LAX1: variants seen among roughly 807,000 people sequenced by gnomAD.
LAX1 encodes lymphocyte transmembrane adapter 1.
In LAX1, 17 loss-of-function variants were observed where a neutral mutation model predicts 20.7. The ratio of observed to expected loss-of-function variants is 0.82; its 90% confidence interval spans 0.56 to 1.23. The LOEUF is 1.23. Among genes scored for constraint, LAX1 ranks in the 50% most tolerant of loss-of-function variants. The pLI, the probability that LAX1 is intolerant of heterozygous loss-of-function variation, is 0.00. For missense variants in LAX1, 470 were observed against 487.0 expected (o/e 0.97, Z 0.33); for synonymous variants, 165 against 181.0 (o/e 0.91, Z 0.71).
chr1:203,772,195 C>A, intron 4 of LAX1, 48 bp downstream of exon 4: 2 of 1,421,912 alleles, frequency 1.4e-6, no homozygotes, highest in Non-Finnish European at 2.0e-6. Context: ...GGCAGAAGAA[C>A]TGCGGGGAAA....
At position 203,765,387 on chromosome 1, in the gene LAX1, G is replaced by A; in HGVS notation, c.-179G>A. On this transcript the variant is annotated 5_prime_UTR_variant, in exon 1 of 5. The change abolishes the stop of an existing upstream ORF in the 5' untranslated region. Coordinates refer to ENST00000442561, the MANE Select transcript of LAX1 (RefSeq NM_017773.4). ...AGTGGGCATTAGCCACGTCCAGGTA[G>A]AACCAAACCTGTTGCTTTTGTATGT... 1 of 1,551,834 alleles carries A rather than the reference G, an allele frequency of 6.4e-7. No homozygotes were observed. The highest frequency in any genetic ancestry group is 8.7e-7 in the Non-Finnish European group (1 of 1,147,038).
intron 1 of LAX1, among the ~76,000 whole-genome samples, 196 bp downstream of exon 1, chr1:203,765,850 G>A (rs1667295517): frequency 6.6e-6 from 1 of 152,142 alleles, no homozygotes; most frequent in African/African-American, 2.4e-5. Context: ...AGGAAAGAAA[G>A]AAAATATTGT....
intron 1 of LAX1, among the ~76,000 whole-genome samples, chr1:203,769,878 A>G (rs987644588): frequency 2.0e-5 from 3 of 151,862 alleles, no homozygotes; most frequent in Admixed American, 1.3e-4. Flanking sequence ...CCTCTCCTCC[A>G]AGCAAGCCAG....
At chr1:203,770,555 AAG>A (rs71728312) in intron 1 of LAX1, among the ~76,000 whole-genome samples, 46 of 114,374 alleles carry the variant, frequency 4.0e-4, no homozygotes, top group African/African-American at 1.4e-3. Flanking sequence ...GAAAGAAAGA[AAG>A]AAAGAAAGAA....
intron 1 of LAX1, 37 bp downstream of exon 1, chr1:203,765,691 G>A (rs1187134213): frequency 1.9e-6 from 3 of 1,597,820 alleles, no homozygotes; most frequent in Non-Finnish European, 2.6e-6. Context: ...ACCCTGCCCT[G>A]ATTTAGGCAG....
In LAX1 at chr1:203,771,467, G is replaced by T. The variant is rs1558071451; in HGVS notation, c.300G>T (p.Gln100His). ...KNIYDILPWRQEDLGRHESRS... is the reference protein window; with the variant it reads ...KNIYDILPWRHEDLGRHESRS... ...TTTATGACATCTTGCCTTGGCGACA[G>T]GAAGACCTGGGTAGGTTTTTCCTTC... The change falls in exon 3 of 5, where the codon CAG becomes CAT. Residue 100 changes from glutamine to histidine, a missense_variant. By Grantham distance (24) the Gln-to-His change is conservative. Coordinates refer to ENST00000442561, the MANE Select transcript of LAX1 (RefSeq NM_017773.4). 1 of 1,601,286 alleles carries T rather than the reference G, an allele frequency of 6.2e-7. No individual in the cohort carries two copies. The highest frequency in any genetic ancestry group is 8.6e-7 in the Non-Finnish European group (1 of 1,168,412).
chr1:203,773,432 C>T (rs11240409), intron 4 of LAX1, among the ~76,000 whole-genome samples: 46,510 of 151,766 alleles, frequency 0.31, 7,243 homozygotes, highest in South Asian at 0.36. Flanking sequence ...CCAGCTTGGG[C>T]GACGAGAGCG....
chr1:203,769,126 C>T (rs1196025026), intron 1 of LAX1, among the ~76,000 whole-genome samples: 6 of 151,938 alleles, frequency 3.9e-5, no homozygotes, highest in Admixed American at 3.9e-4. Context: ...CGGTGGCTCA[C>T]ACCTGTAATC....
Position 203,774,156 on chromosome 1 carries a change from G to C in LAX1, c.672G>C (p.Lys224Asn). 1 of 1,614,200 alleles carries C rather than the reference G, an allele frequency of 6.2e-7. No homozygotes were observed. Among genetic ancestry groups the C allele is most frequent in the South Asian group, 1.1e-5 (1 of 91,080 alleles). ...TCTTTGTTCTTCCCAGTACCCAGAAGCTGGAGTTTACTGAGGAAAGAGATG... is the reference window on the plus strand; with the variant it reads ...TCTTTGTTCTTCCCAGTACCCAGAACCTGGAGTTTACTGAGGAAAGAGATG... ...RNLFVLPSTQ[K>N]LEFTEERDEG... Residue 224 changes from lysine to asparagine, a missense_variant, in exon 5 of 5, where the codon AAG (lysine) becomes AAC (asparagine). Coordinates refer to ENST00000442561, the MANE Select transcript of LAX1 (RefSeq NM_017773.4).
At chr1:203,770,686 C>A in intron 1 of LAX1, 142 bp from the exon 2 acceptor site, 2 of 660,660 alleles carry the variant, frequency 3.0e-6, no homozygotes, top group Non-Finnish European at 2.7e-6. Flanking sequence ...AGAGATAACC[C>A]TCTCTTCCAC....
chr1:203,770,786 A>G (rs1667408359), intron 1 of LAX1, 42 bp from the exon 2 acceptor site: 1 of 1,499,246 alleles, frequency 6.7e-7, no homozygotes, highest in Non-Finnish European at 9.3e-7. Flanking sequence ...CAGCCTCTCC[A>G]CCCTCCTACA....
intron 1 of LAX1, 24 bp downstream of exon 1, chr1:203,765,678 T>A (rs1294715746): frequency 2.5e-6 from 4 of 1,607,976 alleles, no homozygotes; most frequent in Non-Finnish European, 3.4e-6. Context: ...GGTGGTGAGC[T>A]CCACCCTGCC....
chr1:203,771,618 A>G (rs1667423620), intron 3 of LAX1, 141 bp downstream of exon 3: 1 of 675,710 alleles, frequency 1.5e-6, no homozygotes, highest in African/African-American at 1.8e-5. Context: ...AATGGGATAG[A>G]TAGACTGTCA....
At chr1:203,773,685 C>A (rs1236491854) in intron 4 of LAX1, among the ~76,000 whole-genome samples, 190 bp from the exon 5 acceptor site, 2 of 151,454 alleles carry the variant, frequency 1.3e-5, no homozygotes, top group African/African-American at 4.9e-5. Flanking sequence ...CCGCACCCCC[C>A]CACCAATTGA....
In LAX1 at chr1:203,769,452, A is replaced by AG. The variant is rs1348244897; in HGVS notation, c.90-1375dup. Among the ~76,000 whole-genome samples the AG allele has an allele frequency of 5.4e-4, 63 of 117,566 alleles. 1 individual carries two copies. Among genetic ancestry groups the AG allele is most frequent in the African/African-American group, 1.4e-3 (52 of 35,982 alleles). 77.1% of individuals were successfully genotyped at this position (117,566 alleles called of 152,430 possible). A position where few individuals can be genotyped will look rare whatever the true frequency, so the allele number is the denominator to read the frequency against. On this transcript the variant is annotated intron_variant, in intron 1 of 4. Transcript: ENST00000442561. ...AAGAAAGAAAGAAAGAAGGAAAGAA[A>AG]GAAAAGAAAAGAAAGAAAGTTGTAT...
rs759242546 is a variant in LAX1 at position 203,769,454 on chromosome 1, A to AAAGAAAGAAAGAAAGG, written c.90-1372_90-1371insGAAAGAAAGAAAGGAA. Among the ~76,000 whole-genome samples the AAAGAAAGAAAGAAAGG allele has an allele frequency of 6.0e-4, 64 of 106,470 alleles. 1 individual carries two copies. The highest frequency in any genetic ancestry group is 2.0e-3 in the African/African-American group (61 of 31,156). 69.8% of individuals were successfully genotyped at this position (106,470 alleles called of 152,430 possible). A position where few individuals can be genotyped will look rare whatever the true frequency, so the allele number is the denominator to read the frequency against. On this transcript the variant is annotated intron_variant, in intron 1 of 4. Transcript: ENST00000442561. ...GAAAGAAAGAAAGAAGGAAAGAAAG[A>AAAGAAAGAAAGAAAGG]AAAGAAAAGAAAGAAAGTTGTATAA... is the stretch of plus-strand genomic sequence containing the variant.
At chr1:203,766,260 C>T (rs1667302785) in intron 1 of LAX1, among the ~76,000 whole-genome samples, 1 of 152,126 alleles carries the variant, frequency 6.6e-6, no homozygotes, top group South Asian at 2.1e-4. Flanking sequence ...GCGGATCACC[C>T]CCACTCTTGA....
chr1:203,765,340 C>CTTCCAT lies in LAX1; in HGVS notation c.-226_-225insTTCCAT. On this transcript the variant is annotated 5_prime_UTR_variant, in exon 1 of 5. In the 5' UTR this introduces an upstream ATG that the reference lacks. Transcript: ENST00000442561. Reference sequence around the variant, plus strand: ...CCACCTCACTTGGAAGCACCATGTCCGGATGAGATCGCACTTCCTGCAGTG... The same window carrying CTTCCAT: ...CCACCTCACTTGGAAGCACCATGTCCTTCCATGGATGAGATCGCACTTCCTGCAGTG... 6.4e-7 allele frequency: 1 copy of CTTCCAT among 1,551,572 alleles called. No individual in the cohort carries two copies. Among genetic ancestry groups the CTTCCAT allele is most frequent in the Non-Finnish European group, 8.7e-7 (1 of 1,146,940 alleles).
intron 1 of LAX1, among the ~76,000 whole-genome samples, chr1:203,766,204 C>T (rs7536151): frequency 0.17 from 26,550 of 152,100 alleles, 2,398 homozygotes; most frequent in South Asian, 0.27. Context: ...TGACTGGGCG[C>T]GGTGGCTCAC....
Sources: allele counts gnomAD v4.1 joint callset (sites outside exome capture counted in the v4.1 genomes callset), GRCh38; gene constraint gnomAD v4.1.1; transcripts MANE v1.5; gene names NCBI Gene and HGNC (gene_info 2026-07-23, HGNC 2026-07-21).